RBFOX1: variants seen among roughly 807,000 people sequenced by gnomAD.
RBFOX1 encodes RNA binding protein fox-1 homolog 1.
In RBFOX1, 8 loss-of-function variants were observed where a neutral mutation model predicts 57.7. That is an observed-to-expected ratio of 0.14 (90% CI 0.08 to 0.25). The LOEUF (loss-of-function observed/expected upper bound fraction) is 0.25, where lower values mean the gene tolerates loss of function less well. RBFOX1 is among the 10% of genes least tolerant of loss of function. The pLI is 1.00. For synonymous variants in RBFOX1, 326 were observed against 222.4 expected (o/e 1.47, Z -4.15); for missense variants, 611 against 548.5 (o/e 1.11, Z -1.14).
intron 4 of RBFOX1, among the ~76,000 whole-genome samples, chr16:7,233,097 T>C (rs1333301082): frequency 6.6e-6 from 1 of 152,096 alleles, no homozygotes; most frequent in Non-Finnish European, 1.5e-5. Context: ...CATCTCACAA[T>C]GTACATAGGA....
intron 2 of RBFOX1, among the ~76,000 whole-genome samples, chr16:6,492,117 AGT>A (rs112851602): frequency 2.6e-5 from 4 of 151,440 alleles, no homozygotes; most frequent in African/African-American, 7.3e-5. Context: ...AGTATATGAA[AGT>A]GTGTGTGTGT....
chr16:7,330,525 T>G (rs567020407), intron 4 of RBFOX1, among the ~76,000 whole-genome samples: 166 of 132,910 alleles, frequency 1.2e-3, no homozygotes, highest in Non-Finnish European at 1.7e-3. Flanking sequence ...TGTGTGTGTG[T>G]AGAGAGAGAG....
At chr16:7,210,657 G>C (rs889114150) in intron 4 of RBFOX1, among the ~76,000 whole-genome samples, 3 of 152,160 alleles carry the variant, frequency 2.0e-5, no homozygotes, top group African/African-American at 7.2e-5. Flanking sequence ...CTTAGTAGGT[G>C]TCAGGCATGC....
chr16:7,584,980 G>A (rs2094019403), intron 6 of RBFOX1, among the ~76,000 whole-genome samples: 1 of 152,198 alleles, frequency 6.6e-6, no homozygotes, highest in Non-Finnish European at 1.5e-5. Flanking sequence ...GATTGGTTCT[G>A]TCTCAATCAG....
intron 4 of RBFOX1, among the ~76,000 whole-genome samples, chr16:7,344,268 C>A (rs1002977612): frequency 6.6e-6 from 1 of 151,102 alleles, no homozygotes; most frequent in Non-Finnish European, 1.5e-5. Context: ...TCAATTAATA[C>A]TCCCTAAGTA....
intron 2 of RBFOX1, among the ~76,000 whole-genome samples, chr16:6,611,290 G>A (rs372506112): frequency 6.6e-6 from 1 of 152,146 alleles, no homozygotes; most frequent in Non-Finnish European, 1.5e-5. Context: ...GAGAATACAG[G>A]CGCACACCAC....
chr16:7,324,860 A>G (rs2096591206), intron 4 of RBFOX1, among the ~76,000 whole-genome samples: 1 of 152,188 alleles, frequency 6.6e-6, no homozygotes, highest in Admixed American at 6.5e-5. Flanking sequence ...TAAAGGTACC[A>G]TCTTCATCAT....
chr16:5,504,210 C>T (rs948795020), intron 2 of RBFOX1, among the ~76,000 whole-genome samples: 2 of 152,216 alleles, frequency 1.3e-5, no homozygotes, highest in Admixed American at 1.3e-4. Flanking sequence ...ACCCCTGGAG[C>T]ATGTCACCTG....
chr16:5,733,448 C>T (rs934880129), intron 3 of RBFOX1, among the ~76,000 whole-genome samples: 4 of 152,116 alleles, frequency 2.6e-5, no homozygotes, highest in South Asian at 2.1e-4. Flanking sequence ...TTGTCTCTGG[C>T]CTTAGATTGT....
At chr16:6,417,186 A>G (rs1567227085) in intron 2 of RBFOX1, among the ~76,000 whole-genome samples, 2 of 151,342 alleles carry the variant, frequency 1.3e-5, no homozygotes, top group South Asian at 2.1e-4. Context: ...AAACTTTTGT[A>G]TTTTTAGTAG....
intron 14 of RBFOX1, among the ~76,000 whole-genome samples, chr16:7,677,426 T>A (rs1039276303): frequency 6.6e-6 from 1 of 152,166 alleles, no homozygotes; most frequent in Non-Finnish European, 1.5e-5. Context: ...CCAGCTTTTA[T>A]TTGTAATGTA....
At chr16:7,260,301 T>C (rs1184482316) in intron 4 of RBFOX1, among the ~76,000 whole-genome samples, 3 of 152,242 alleles carry the variant, frequency 2.0e-5, no homozygotes, top group Non-Finnish European at 4.4e-5. Context: ...GCTTCACTTT[T>C]GGTTTGAATT....
intron 11 of RBFOX1, among the ~76,000 whole-genome samples, chr16:7,641,260 C>G (rs2062744246): frequency 6.6e-6 from 1 of 152,174 alleles, no homozygotes; most frequent in East Asian, 1.9e-4. Context: ...TAAAATAAAT[C>G]TCAGTGCAAA....
chr16:6,977,856 C>G (rs2087491077), intron 3 of RBFOX1, among the ~76,000 whole-genome samples: 2 of 148,460 alleles, frequency 1.3e-5, no homozygotes, highest in Admixed American at 6.8e-5. Flanking sequence ...GCTTCCCAAT[C>G]TGGTCTGAGA....
chr16:6,185,602 T>A (rs947501958), intron 1 of RBFOX1, among the ~76,000 whole-genome samples: 1 of 152,212 alleles, frequency 6.6e-6, no homozygotes. Flanking sequence ...TGGGTTTAAG[T>A]ACCAATGTAC....
At chr16:6,827,544 G>C (rs566727471) in intron 3 of RBFOX1, among the ~76,000 whole-genome samples, 2 of 152,160 alleles carry the variant, frequency 1.3e-5, no homozygotes, top group African/African-American at 2.4e-5. Flanking sequence ...TCACTCCTCT[G>C]TTCTCCAGCG....
intron 6 of RBFOX1, among the ~76,000 whole-genome samples, chr16:7,580,873 C>G (rs1262896147): frequency 6.6e-6 from 1 of 152,172 alleles, no homozygotes; most frequent in Non-Finnish European, 1.5e-5. Context: ...GAACTACATC[C>G]TTAACATTTG....
intron 2 of RBFOX1, among the ~76,000 whole-genome samples, chr16:6,518,321 C>A (rs9932588): frequency 6.6e-6 from 1 of 152,018 alleles, no homozygotes; most frequent in Non-Finnish European, 1.5e-5. Flanking sequence ...TTGCAAGATA[C>A]GTGATCCAGG....
intron 14 of RBFOX1, among the ~76,000 whole-genome samples, chr16:7,697,027 C>T (rs1001949916): frequency 3.9e-5 from 6 of 152,058 alleles, no homozygotes; most frequent in East Asian, 1.9e-4. Flanking sequence ...TTGGAGGCTG[C>T]AGAACATATT....
Sources: allele counts gnomAD v4.1 joint callset (sites outside exome capture counted in the v4.1 genomes callset), GRCh38; gene constraint gnomAD v4.1.1; transcripts MANE v1.5; gene names NCBI Gene and HGNC (gene_info 2026-07-23, HGNC 2026-07-21).